Variants in WASF1 observed in about 807,000 individuals in gnomAD.
WASF1 encodes actin-binding protein WASF1.
A neutral mutation model predicts 50.5 loss-of-function variants in WASF1; 7 were observed. That is an observed-to-expected ratio of 0.14 (90% CI 0.08 to 0.26). The LOEUF is 0.26. Among genes scored for constraint, WASF1 ranks in the 10% least tolerant of loss-of-function variants. The probability of loss-of-function intolerance (pLI) is 1.00; values close to 1 mark genes in which losing one functional copy is unlikely to be tolerated. For synonymous variants in WASF1, 205 were observed against 244.0 expected, an observed-to-expected ratio of 0.84 and a Z score of 1.49; for missense variants, 470 against 694.7, an observed-to-expected ratio of 0.68 and a Z score of 3.64.
At chr6:110,143,927 G>A (rs1313521795) in intron 3 of WASF1, among the ~76,000 whole-genome samples, 2 of 152,176 alleles carry the variant, frequency 1.3e-5, no homozygotes, top group Non-Finnish European at 2.9e-5. Context: ...AAACATACGT[G>A]TGCATGTGTC....
intron 8 of WASF1, among the ~76,000 whole-genome samples, chr6:110,104,601 CA>C (rs1017395478): frequency 6.6e-6 from 1 of 152,080 alleles, no homozygotes; most frequent in African/African-American, 2.4e-5. Context: ...TCAGCCCGGC[CA>C]ACATGGTGAG....
intron 4 of WASF1, among the ~76,000 whole-genome samples, chr6:110,120,217 G>C (rs558051637): frequency 2.2e-4 from 33 of 152,144 alleles, no homozygotes; most frequent in African/African-American, 7.7e-4. Flanking sequence ...AGAAATAAAG[G>C]GTATTCAATT....
At chr6:110,168,997 C>T (rs1285345092) in intron 2 of WASF1, among the ~76,000 whole-genome samples, 3 of 152,068 alleles carry the variant, frequency 2.0e-5, no homozygotes, top group Non-Finnish European at 4.4e-5. Flanking sequence ...AAGGCCTTAT[C>T]CCCTGTCCCA....
At chr6:110,101,090 C>A (rs1435974452) in intron 10 of WASF1, among the ~76,000 whole-genome samples, 1 of 152,070 alleles carries the variant, frequency 6.6e-6, no homozygotes, top group Non-Finnish European at 1.5e-5. Context: ...ATGCTCAGTG[C>A]CTGGCCTATA....
Position 110,101,853 on chromosome 6 carries a change from T to C in WASF1, c.1257A>G (p.Glu419=). The part of the protein sequence containing the change: ...TVPVHPLPQG[E]VQGLPPPPPP... ...GTGGGGGTGGAGGCAGCCCCTGAAC[T>C]TCACCTTGTGGGAGTGGATGAACTG... Residue 419 remains glutamate (E), a synonymous_variant, in exon 10 of 11, where the codon GAA becomes GAG. Transcript: ENST00000392589. 2.5e-6 allele frequency: 4 copies of C among 1,613,826 alleles called. No homozygotes were observed. The highest frequency in any genetic ancestry group is 3.3e-4 in the Middle Eastern group (2 of 6,056).
intron 7 of WASF1, among the ~76,000 whole-genome samples, chr6:110,106,420 G>A (rs1246638561): frequency 6.6e-6 from 1 of 152,232 alleles, no homozygotes; most frequent in Admixed American, 6.5e-5. Flanking sequence ...GGAAAGCAGA[G>A]ATAGCTACAG....
intron 5 of WASF1, among the ~76,000 whole-genome samples, chr6:110,109,517 A>C (rs1256474297): frequency 6.6e-6 from 1 of 152,038 alleles, no homozygotes; most frequent in Non-Finnish European, 1.5e-5. Flanking sequence ...AATGCCCTAT[A>C]ACATAGCAAG....
chr6:110,159,545 C>G (rs1244451131), intron 3 of WASF1, among the ~76,000 whole-genome samples: 1 of 151,844 alleles, frequency 6.6e-6, no homozygotes, highest in African/African-American at 2.4e-5. Flanking sequence ...CAGACGGTAC[C>G]TGTTGGAGCC....
At chr6:110,126,921 T>C (rs1774441851) in intron 4 of WASF1, among the ~76,000 whole-genome samples, 1 of 152,130 alleles carries the variant, frequency 6.6e-6, no homozygotes, top group Non-Finnish European at 1.5e-5. Flanking sequence ...CCAAGTTCAT[T>C]TGCTGTTTTC....
At chr6:110,172,294 C>T (rs1313257215) in intron 2 of WASF1, among the ~76,000 whole-genome samples, 2 of 152,064 alleles carry the variant, frequency 1.3e-5, no homozygotes, top group Non-Finnish European at 2.9e-5. Flanking sequence ...AAATGTCCAT[C>T]AATGACAGAC....
intron 2 of WASF1, among the ~76,000 whole-genome samples, chr6:110,176,762 G>A (rs751832817): frequency 1.1e-4 from 17 of 152,002 alleles, no homozygotes; most frequent in Admixed American, 2.0e-4. Flanking sequence ...CGACTTTACT[G>A]CATTTACCCA....
chr6:110,150,101 T>C (rs1165058958), intron 3 of WASF1, among the ~76,000 whole-genome samples: 1 of 152,196 alleles, frequency 6.6e-6, no homozygotes, highest in Non-Finnish European at 1.5e-5. Context: ...TTCAATGGTA[T>C]TTTGAAGCTC....
intron 3 of WASF1, among the ~76,000 whole-genome samples, chr6:110,150,753 G>C (rs1775785706): frequency 6.6e-6 from 1 of 152,190 alleles, no homozygotes; most frequent in Admixed American, 6.5e-5. Context: ...AGGAGTAAAA[G>C]GGCTGGGCAC....
At chr6:110,128,956 C>G (rs535686687) in intron 3 of WASF1, among the ~76,000 whole-genome samples, 4 of 152,290 alleles carry the variant, frequency 2.6e-5, no homozygotes, top group Admixed American at 6.5e-5. Context: ...TGAGGTGGTA[C>G]AGTTTCATCG....
At chr6:110,170,670 TA>T (rs57889902) in intron 2 of WASF1, among the ~76,000 whole-genome samples, 10,790 of 147,426 alleles carry the variant, frequency 0.073, 502 homozygotes, top group African/African-American at 0.14. Flanking sequence ...CAGAGTAGAT[TA>T]AAAAAAAAAG....
At chr6:110,124,191 G>A (rs112923468) in intron 4 of WASF1, among the ~76,000 whole-genome samples, 3 of 91,276 alleles carry the variant, frequency 3.3e-5, no homozygotes, top group Admixed American at 1.1e-4. Context: ...CCCCATCAGC[G>A]TCTCTCTCTC....
chr6:110,138,555 C>T (rs574262379), intron 3 of WASF1, among the ~76,000 whole-genome samples: 50 of 152,170 alleles, frequency 3.3e-4, no homozygotes, highest in African/African-American at 1.1e-3. Context: ...CTCAGGACAC[C>T]GGAAGCGGGT....
intron 4 of WASF1, among the ~76,000 whole-genome samples, chr6:110,115,810 G>A (rs927905065): frequency 2.6e-5 from 4 of 152,188 alleles, no homozygotes; most frequent in Non-Finnish European, 5.9e-5. Flanking sequence ...CATAAAATTT[G>A]AGAAAACTGT....
At chr6:110,111,383 TA>T (rs1275733752) in intron 5 of WASF1, among the ~76,000 whole-genome samples, 1 of 151,254 alleles carries the variant, frequency 6.6e-6, no homozygotes, top group Non-Finnish European at 1.5e-5. Flanking sequence ...AAAGACAACC[TA>T]AAGAAGGGGA....
Sources: allele counts gnomAD v4.1 joint callset (sites outside exome capture counted in the v4.1 genomes callset), GRCh38; gene constraint gnomAD v4.1.1; transcripts MANE v1.5; gene names NCBI Gene and HGNC (gene_info 2026-07-23, HGNC 2026-07-21).